Variants in ZPLD1 observed in about 807,000 individuals in gnomAD.
ZPLD1 encodes the protein zona pellucida like domain containing 1.
Under a neutral mutation model 47.2 loss-of-function variants are expected in ZPLD1, and 34 were observed. The observed-to-expected ratio is 0.72, with a 90% CI of 0.55 to 0.96. The LOEUF is 0.96. Among genes scored for constraint, ZPLD1 ranks in the 40% least tolerant of loss-of-function variants. The pLI, the probability that ZPLD1 is intolerant of heterozygous loss-of-function variation, is 0.00. For missense variants in ZPLD1, 512 were observed against 505.8 expected (o/e 1.01, Z -0.12); for synonymous variants, 176 against 186.2 (o/e 0.95, Z 0.45).
At chr3:102,387,292 G>T (rs916955757) in intron 6 of ZPLD1, among the ~76,000 whole-genome samples, 3 of 152,036 alleles carry the variant, frequency 2.0e-5, no homozygotes, top group South Asian at 4.1e-4. Context: ...CATGTCTTCT[G>T]TATTTTACCT....
At chr3:102,406,549 G>T (rs1288929084) in intron 7 of ZPLD1, among the ~76,000 whole-genome samples, 1 of 151,840 alleles carries the variant, frequency 6.6e-6, no homozygotes, top group African/African-American at 2.4e-5. Flanking sequence ...TTTTAGGATG[G>T]ACACTTCTCT....
chr3:102,393,577 G>T (rs1011764035), intron 7 of ZPLD1, among the ~76,000 whole-genome samples: 11 of 151,778 alleles, frequency 7.2e-5, no homozygotes, highest in African/African-American at 2.7e-4. Flanking sequence ...AAGAAGGCAT[G>T]GCAGAAATCT....
At chr3:102,441,926 A>G (rs762949179) in intron 3 of ZPLD1, among the ~76,000 whole-genome samples, 59 of 152,100 alleles carry the variant, frequency 3.9e-4, no homozygotes, top group Non-Finnish European at 7.6e-4. Context: ...TAATTTTGCA[A>G]TTTGGAGCAA....
At chr3:102,440,596 G>T (rs1259343209) in intron 3 of ZPLD1, among the ~76,000 whole-genome samples, 1 of 152,102 alleles carries the variant, frequency 6.6e-6, no homozygotes, top group South Asian at 2.1e-4. Flanking sequence ...ACAGAGCTGG[G>T]TCTGAGAAGA....
rs980769589 is a variant in ZPLD1 at position 102,467,876 on chromosome 3, C to T, written c.762-1088C>T. Among the ~76,000 whole-genome samples the T allele has an allele frequency of 5.4e-5, 8 of 148,608 alleles. 1 individual carries two copies. Among genetic ancestry groups the T allele is most frequent in the Admixed American group, 4.0e-4 (6 of 14,956 alleles). On this transcript the variant is annotated intron_variant, in intron 8 of 11. Coordinates refer to ENST00000466937, the MANE Select transcript of ZPLD1 (RefSeq NM_001329788.2). ...ACACACACACACACACACACACACA[C>T]GGAATGTCCAAAGCCAAATAACAAA... is the stretch of plus-strand genomic sequence containing the variant.
intron 7 of ZPLD1, among the ~76,000 whole-genome samples, chr3:102,398,949 T>C (rs1706588787): frequency 6.6e-6 from 1 of 152,082 alleles, no homozygotes; most frequent in South Asian, 2.1e-4. Context: ...CATGCCCCAC[T>C]TGTTTTCCAA....
chr3:102,404,808 A>G (rs1473122389), intron 7 of ZPLD1, among the ~76,000 whole-genome samples: 1 of 151,982 alleles, frequency 6.6e-6, no homozygotes, highest in Non-Finnish European at 1.5e-5. Flanking sequence ...TTCTTCCTAG[A>G]GACAGCACTC....
At chr3:102,475,279 C>T (rs1366530818) in intron 10 of ZPLD1, among the ~76,000 whole-genome samples, 2 of 152,048 alleles carry the variant, frequency 1.3e-5, no homozygotes, top group Admixed American at 1.3e-4. Flanking sequence ...AACTGAGATA[C>T]TGTTTCTATG....
At chr3:102,475,792 G>A (rs1707750515) in intron 10 of ZPLD1, among the ~76,000 whole-genome samples, 1 of 152,068 alleles carries the variant, frequency 6.6e-6, no homozygotes, top group Non-Finnish European at 1.5e-5. Context: ...GAATCAGACA[G>A]CAGAACCATC....
In ZPLD1 at chr3:102,468,969, A is replaced by G. The variant is rs533482871; in HGVS notation, c.767A>G (p.Asp256Gly). ...DIRYDLFLSC[D>G]KDPQTTVIEN... Reference sequence around the variant, plus strand: ...TCACGTTCCCTAAAATTTAGCTGTGACAAGGACCCTCAGACCACCGTCATT... The same window carrying G: ...TCACGTTCCCTAAAATTTAGCTGTGGCAAGGACCCTCAGACCACCGTCATT... Residue 256 changes from aspartate to glycine, a missense_variant, in exon 9 of 12, where the codon GAC becomes GGC. By Grantham distance (94) the Asp-to-Gly change is moderately conservative. Coordinates refer to ENST00000466937, the MANE Select transcript of ZPLD1 (RefSeq NM_001329788.2). 174 of 1,611,714 alleles carry G rather than the reference A, an allele frequency of 1.1e-4. 2 individuals carry two copies. The South Asian group carries it at 1.8e-3, about 17-fold the overall frequency.
rs200905466 is a variant in ZPLD1 at position 102,473,236 on chromosome 3, CA to C, written c.1042+2742del. Among the ~76,000 whole-genome samples the C allele has an allele frequency of 8.9e-3, 1,347 of 151,818 alleles. 19 individuals carry two copies. The highest frequency in any genetic ancestry group is 0.031 in the African/African-American group (1,265 of 41,396). On this transcript the variant is annotated intron_variant, in intron 10 of 11. Coordinates refer to ENST00000466937, the MANE Select transcript of ZPLD1 (RefSeq NM_001329788.2). ...TAGTGTAAAATAATCTTTAAATATA[CA>C]AAAAAAATTCTAAGACCCCCGAAAT...
chr3:102,396,061 T>G (rs371937632), intron 7 of ZPLD1, among the ~76,000 whole-genome samples: 5 of 152,166 alleles, frequency 3.3e-5, no homozygotes, highest in East Asian at 3.9e-4. Flanking sequence ...ATGGTTCAAT[T>G]TTTTCTTTAA....
chr3:102,470,777 TTTTATTTATTTATTTATTTGA>T (rs1707671753), intron 10 of ZPLD1, among the ~76,000 whole-genome samples: 1 of 151,384 alleles, frequency 6.6e-6, no homozygotes, highest in African/African-American at 2.4e-5. Flanking sequence ...GCTGGACCTG[TTTTATTTATTTATTTATTTGA>T]GACGGAGTGT....
intron 8 of ZPLD1, among the ~76,000 whole-genome samples, chr3:102,468,163 C>A (rs981400297): frequency 3.9e-5 from 6 of 151,916 alleles, no homozygotes; most frequent in Non-Finnish European, 8.8e-5. Context: ...AAATTTGATC[C>A]ATACATTTCG....
At chr3:102,441,263 A>G (rs1707173057) in intron 3 of ZPLD1, among the ~76,000 whole-genome samples, 1 of 152,236 alleles carries the variant, frequency 6.6e-6, no homozygotes, top group Non-Finnish European at 1.5e-5. Flanking sequence ...AAAACGAAGT[A>G]TTTATCATAT....
At chr3:102,475,241 T>G (rs556538153) in intron 10 of ZPLD1, among the ~76,000 whole-genome samples, 1 of 152,260 alleles carries the variant, frequency 6.6e-6, no homozygotes, top group East Asian at 1.9e-4. Flanking sequence ...CGGAGATTTT[T>G]GTCCACAGCG....
chr3:102,463,289 A>T (rs1707538369), intron 7 of ZPLD1, among the ~76,000 whole-genome samples: 1 of 152,302 alleles, frequency 6.6e-6, no homozygotes, highest in East Asian at 1.9e-4. Context: ...CAATCGCCAA[A>T]CCACTGATTC....
Position 102,449,462 on chromosome 3 carries a change from T to G in ZPLD1, c.107-3457T>G, listed in dbSNP as rs549731073. On this transcript the variant is annotated intron_variant, in intron 3 of 11. Coordinates refer to ENST00000466937, the MANE Select transcript of ZPLD1 (RefSeq NM_001329788.2). ...AGAAAATACTAAGTGGAAAATTCCA[T>G]ATATAAACAATTCACACATTTTAAA... Among the ~76,000 whole-genome samples the G allele has an allele frequency of 9.5e-3, 1,454 of 152,310 alleles. 21 individuals are homozygous for G. The highest frequency in any genetic ancestry group is 0.033 in the African/African-American group (1,367 of 41,562).
chr3:102,399,961 G>A (rs938803850), intron 7 of ZPLD1, among the ~76,000 whole-genome samples: 4 of 151,942 alleles, frequency 2.6e-5, no homozygotes, highest in African/African-American at 9.7e-5. Flanking sequence ...TGGGATTACA[G>A]GTGTGCACCA....
Sources: gnomAD v4.1 joint callset for allele counts (sites outside exome capture counted in the v4.1 genomes callset) on GRCh38, gnomAD v4.1.1 for gene constraint, MANE v1.5 for transcripts, NCBI Gene and HGNC (gene_info 2026-07-23, HGNC 2026-07-21) for gene names.